RSRC1: variants seen among roughly 807,000 people sequenced by gnomAD.
The protein encoded by RSRC1 is arginine and serine rich coiled-coil 1.
In RSRC1, 39 loss-of-function variants were observed where a neutral mutation model predicts 49.1. The observed-to-expected ratio is 0.79, with a 90% CI of 0.61 to 1.04. The LOEUF is 1.04. Among genes scored for constraint, RSRC1 ranks in the 50% least tolerant of loss-of-function variants. The probability of loss-of-function intolerance (pLI) is 0.00; values close to 1 mark genes in which losing one functional copy is unlikely to be tolerated. For synonymous variants in RSRC1, 143 were observed against 130.8 expected, an observed-to-expected ratio of 1.09 and a Z score of -0.63; for missense variants, 388 against 402.4, an observed-to-expected ratio of 0.96 and a Z score of 0.31.
At chr3:158,187,352 T>G (rs1355563888) in intron 3 of RSRC1, among the ~76,000 whole-genome samples, 1 of 152,026 alleles carries the variant, frequency 6.6e-6, no homozygotes, top group African/African-American at 2.4e-5. Flanking sequence ...AGACATATAC[T>G]AAACAAGCAT....
chr3:158,450,944 A>G (rs1234417808), intron 6 of RSRC1, among the ~76,000 whole-genome samples: 1 of 151,884 alleles, frequency 6.6e-6, no homozygotes, highest in Non-Finnish European at 1.5e-5. Flanking sequence ...TCACATCCAG[A>G]AAGTCTTGGG....
intron 6 of RSRC1, among the ~76,000 whole-genome samples, chr3:158,415,826 A>T (rs2108328993): frequency 6.6e-6 from 1 of 152,158 alleles, no homozygotes; most frequent in African/African-American, 2.4e-5. Context: ...TCATGGAAGT[A>T]CTCATTAATA....
chr3:158,151,914 A>G (rs1001204531), intron 3 of RSRC1, among the ~76,000 whole-genome samples: 2 of 152,246 alleles, frequency 1.3e-5, no homozygotes, highest in African/African-American at 4.8e-5. Flanking sequence ...TATGTAACAT[A>G]TATTTAATAT....
chr3:158,215,587 G>T (rs1721905493), intron 4 of RSRC1, among the ~76,000 whole-genome samples: 1 of 151,260 alleles, frequency 6.6e-6, no homozygotes, highest in Non-Finnish European at 1.5e-5. Flanking sequence ...TATTTTTATG[G>T]GTTGTTTGGA....
At chr3:158,470,169 A>G (rs1738065869) in intron 7 of RSRC1, among the ~76,000 whole-genome samples, 8 of 152,016 alleles carry the variant, frequency 5.3e-5, no homozygotes, top group Admixed American at 5.2e-4. Context: ...TTTATCCCCA[A>G]AAAAGTTGTC....
intron 4 of RSRC1, among the ~76,000 whole-genome samples, chr3:158,262,086 A>G (rs1412198175): frequency 2.6e-5 from 4 of 152,110 alleles, no homozygotes; most frequent in Non-Finnish European, 5.9e-5. Flanking sequence ...AATATATGCC[A>G]TAGCTTTTCT....
chr3:158,517,294 C>A (rs1740620622), intron 7 of RSRC1, among the ~76,000 whole-genome samples: 1 of 152,080 alleles, frequency 6.6e-6, no homozygotes, highest in African/African-American at 2.4e-5. Context: ...TCTATAAATA[C>A]AATCATCTTA....
chr3:158,448,115 A>G (rs953487299), intron 6 of RSRC1, among the ~76,000 whole-genome samples: 1 of 151,910 alleles, frequency 6.6e-6, no homozygotes, highest in African/African-American at 2.4e-5. Flanking sequence ...GGGAGTTATC[A>G]TAGTGGCCAA....
At chr3:158,516,715 T>G (rs1182924906) in intron 7 of RSRC1, among the ~76,000 whole-genome samples, 2 of 152,224 alleles carry the variant, frequency 1.3e-5, no homozygotes, top group South Asian at 2.1e-4. Context: ...CCTTGCAGTT[T>G]GATCTCAGAC....
chr3:158,250,029 A>C (rs1298013714), intron 4 of RSRC1, among the ~76,000 whole-genome samples: 1 of 152,046 alleles, frequency 6.6e-6, no homozygotes, highest in Non-Finnish European at 1.5e-5. Flanking sequence ...CAATTGTTTT[A>C]ATTTTTGTCT....
intron 7 of RSRC1, among the ~76,000 whole-genome samples, chr3:158,478,188 A>G (rs1738464858): frequency 6.6e-6 from 1 of 151,900 alleles, no homozygotes; most frequent in Non-Finnish European, 1.5e-5. Context: ...TAGTATTTTC[A>G]CTAGACTATC....
chr3:158,492,890 G>C (rs1739147529), intron 7 of RSRC1, among the ~76,000 whole-genome samples: 1 of 152,134 alleles, frequency 6.6e-6, no homozygotes, highest in Non-Finnish European at 1.5e-5. Flanking sequence ...TTTGCCAGAA[G>C]AAATGTAGTG....
At chr3:158,231,080 T>C (rs1021793542) in intron 4 of RSRC1, among the ~76,000 whole-genome samples, 3 of 148,222 alleles carry the variant, frequency 2.0e-5, no homozygotes, top group Middle Eastern at 3.5e-3. Context: ...GTAGTTAGCC[T>C]AAATCTGTTG....
At chr3:158,299,260 G>A (rs982268530) in intron 5 of RSRC1, among the ~76,000 whole-genome samples, 3 of 152,070 alleles carry the variant, frequency 2.0e-5, no homozygotes, top group African/African-American at 7.2e-5. Flanking sequence ...TCAGTTAGGG[G>A]CTTACAACAA....
intron 3 of RSRC1, among the ~76,000 whole-genome samples, chr3:158,166,133 T>C (rs1317083053): frequency 6.6e-6 from 1 of 152,148 alleles, no homozygotes; most frequent in East Asian, 1.9e-4. Context: ...AACAGGCAAA[T>C]TGTGTGACGG....
In RSRC1 at chr3:158,451,761, C is replaced by T. The variant is rs183653380; in HGVS notation, c.584-9174C>T. 1.2e-3 allele frequency among the ~76,000 whole-genome samples: 190 copies of T among 152,106 alleles called. 1 individual carries two copies. The highest frequency in any genetic ancestry group is 1.9e-3 in the Non-Finnish European group (129 of 67,948). Reference sequence around the variant, plus strand: ...GAATTATTGAAGCATGGTAATATAACATATGGGAATTAGAATTACATTAAA... The same window carrying T: ...GAATTATTGAAGCATGGTAATATAATATATGGGAATTAGAATTACATTAAA... On this transcript the variant is annotated intron_variant, in intron 6 of 9. Transcript: ENST00000611884.
At chr3:158,166,018 AT>A (rs1697707050) in intron 3 of RSRC1, among the ~76,000 whole-genome samples, 1 of 152,166 alleles carries the variant, frequency 6.6e-6, no homozygotes, top group African/African-American at 2.4e-5. Flanking sequence ...AAGTAGTCAA[AT>A]CCAATTCTGA....
chr3:158,209,490 C>G (rs78487278), intron 4 of RSRC1, among the ~76,000 whole-genome samples: 95 of 152,142 alleles, frequency 6.2e-4, no homozygotes, highest in African/African-American at 2.2e-3. Flanking sequence ...ACAGAATGCA[C>G]CAAGACACCT....
chr3:158,417,810 G>A (rs1273058141), intron 6 of RSRC1, among the ~76,000 whole-genome samples: 1 of 150,392 alleles, frequency 6.6e-6, no homozygotes, highest in East Asian at 2.0e-4. Context: ...GGATTCTATA[G>A]CAAAGTAATA....
Sources: allele counts gnomAD v4.1 joint callset (sites outside exome capture counted in the v4.1 genomes callset), GRCh38; gene constraint gnomAD v4.1.1; transcripts MANE v1.5; gene names NCBI Gene and HGNC (gene_info 2026-07-23, HGNC 2026-07-21).